Variants in ITGB3BP observed in about 807,000 individuals in gnomAD.
ITGB3BP encodes integrin subunit beta 3 binding protein, also known as centromere protein R.
A neutral mutation model predicts 29.1 loss-of-function variants in ITGB3BP; 27 were observed. That is an observed-to-expected ratio of 0.93 (90% CI 0.68 to 1.28). The LOEUF (loss-of-function observed/expected upper bound fraction) is 1.28. Ranked by LOEUF, ITGB3BP falls within the 50% of genes most tolerant of loss-of-function variation. The pLI is 0.00. For synonymous variants in ITGB3BP, 61 were observed against 61.4 expected, an observed-to-expected ratio of 0.99 and a Z score of 0.03; for missense variants, 192 against 200.2, an observed-to-expected ratio of 0.96 and a Z score of 0.25.
intron 2 of ITGB3BP, among the ~76,000 whole-genome samples, chr1:63,495,022 G>C (rs988522287): frequency 2.0e-5 from 3 of 152,098 alleles, no homozygotes; most frequent in African/African-American, 7.2e-5. Context: ...GCCCAAGCTT[G>C]TCCCAAATTG....
chr1:63,525,367 T>G (rs1248018154), upstream of ITGB3BP, among the ~76,000 whole-genome samples: 4 of 152,182 alleles, frequency 2.6e-5, 1 homozygote, highest in Non-Finnish European at 5.9e-5. Flanking sequence ...TCTTGTTTAA[T>G]ATATAATACG....
At chr1:63,488,078 G>A (rs540646753) in intron 3 of ITGB3BP, among the ~76,000 whole-genome samples, 1 of 152,138 alleles carries the variant, frequency 6.6e-6, no homozygotes, top group East Asian at 1.9e-4. Context: ...GTAGAAGGAA[G>A]ACATAGAACT....
chr1:63,447,873 T>A (rs1440214427), intron 7 of ITGB3BP: 7 of 282,562 alleles, frequency 2.5e-5, no homozygotes, highest in Non-Finnish European at 7.2e-6. Context: ...TAAAGACACA[T>A]GCACACGTAT....
chr1:63,464,337 C>G (rs1645066758), intron 4 of ITGB3BP, among the ~76,000 whole-genome samples: 1 of 152,138 alleles, frequency 6.6e-6, no homozygotes, highest in Non-Finnish European at 1.5e-5. Flanking sequence ...TTTAGCAGTG[C>G]TGTGAGCATG....
chr1:63,489,380 C>A (rs1645597055), intron 3 of ITGB3BP, among the ~76,000 whole-genome samples: 1 of 149,664 alleles, frequency 6.7e-6, no homozygotes, highest in African/African-American at 2.4e-5. Flanking sequence ...AATTATAAAA[C>A]TACATGTCAC....
At chr1:63,466,446 TA>T (rs1258635426) in intron 4 of ITGB3BP, among the ~76,000 whole-genome samples, 1 of 152,188 alleles carries the variant, frequency 6.6e-6, no homozygotes, top group African/African-American at 2.4e-5. Context: ...TTGCCAAACT[TA>T]AAAAACCCAG....
In ITGB3BP at chr1:63,523,206, C is replaced by T; in HGVS notation, c.-73G>A. 1 of 1,605,232 alleles carries T rather than the reference C, an allele frequency of 6.2e-7. No individual in the cohort carries two copies. The highest frequency in any genetic ancestry group is 8.5e-7 in the Non-Finnish European group (1 of 1,173,604). On this transcript the variant is annotated 5_prime_UTR_variant, in exon 1 of 9. It introduces an in-frame stop codon into an upstream open reading frame of the 5' UTR. Transcript: ENST00000271002. Reference sequence around the variant, plus strand: ...CAACTTCCGAAAACAGAAAATCCGCCAAAGGAAACGCCAAGGCATGAAAAG... The same window carrying T: ...CAACTTCCGAAAACAGAAAATCCGCTAAAGGAAACGCCAAGGCATGAAAAG...
chr1:63,510,988 A>G lies in ITGB3BP; in HGVS notation c.6-2418T>C, dbSNP rs142273718. ...GATATATGGGATATTTTCCTAAAAT[A>G]TTTACTCTTTTGTTACCAGTATTAG... On this transcript the variant is annotated intron_variant, in intron 1 of 8. Transcript: ENST00000271002. 1.8e-3 allele frequency among the ~76,000 whole-genome samples: 278 copies of G among 152,256 alleles called. 1 individual carries two copies. The highest frequency in any genetic ancestry group is 6.5e-3 in the African/African-American group (272 of 41,552).
chr1:63,525,505 G>T, upstream of ITGB3BP: 2 of 1,258,038 alleles, frequency 1.6e-6, no homozygotes, highest in South Asian at 2.0e-5. Flanking sequence ...GTATTTGAAA[G>T]ACATGGTGAC....
chr1:63,502,511 TTC>T (rs973625235), intron 2 of ITGB3BP, among the ~76,000 whole-genome samples: 4 of 32,952 alleles, frequency 1.2e-4, no homozygotes, highest in South Asian at 5.4e-3. Context: ...CAAAAGGCAC[TTC>T]TTTTTTTTTT....
In ITGB3BP at chr1:63,454,055, G is replaced by A; in HGVS notation, c.428-81C>T. The A allele has an allele frequency of 6.9e-6, 5 of 728,262 alleles. No individual in the cohort carries two copies. The South Asian group carries it at 7.3e-5, about 11-fold the overall frequency. 45.1% of individuals were successfully genotyped at this position (728,262 alleles called of 1,614,324 possible). A position where few individuals can be genotyped will look rare whatever the true frequency, so the allele number is the denominator to read the frequency against. On this transcript the variant is annotated intron_variant, in intron 6 of 8. Coordinates refer to ENST00000271002, the MANE Select transcript of ITGB3BP (RefSeq NM_014288.5). This position sits in a 1 kb window ranked among gnomAD's most constrained non-coding sequence, Gnocchi z 4.1. ...CAATACTTGCAACAAACAACTTCATGAGAAAAAAATAATTCAAAATAATAC... is the reference window on the plus strand; with the variant it reads ...CAATACTTGCAACAAACAACTTCATAAGAAAAAAATAATTCAAAATAATAC...
intron 2 of ITGB3BP, among the ~76,000 whole-genome samples, chr1:63,498,436 A>C: frequency 6.6e-6 from 1 of 152,324 alleles, no homozygotes; most frequent in Non-Finnish European, 1.5e-5. Context: ...AATATGTGTA[A>C]ATCAAACAAC....
At chr1:63,464,449 A>C (rs1291953899) in intron 4 of ITGB3BP, among the ~76,000 whole-genome samples, 1 of 152,184 alleles carries the variant, frequency 6.6e-6, no homozygotes, top group African/African-American at 2.4e-5. Context: ...TGGGATAGAA[A>C]TATGGAAAAG....
chr1:63,466,187 T>G (rs1487842896), intron 4 of ITGB3BP, among the ~76,000 whole-genome samples: 2 of 152,218 alleles, frequency 1.3e-5, no homozygotes, highest in Non-Finnish European at 2.9e-5. Context: ...TATGTGAACT[T>G]TGGTACTGTC....
chr1:63,454,256 G>A lies in ITGB3BP; in HGVS notation c.427+124C>T. The A allele has an allele frequency of 4.0e-6, 2 of 503,502 alleles. No homozygotes were observed. Among genetic ancestry groups the A allele is most frequent in the Admixed American group, 3.7e-5 (1 of 26,798 alleles). 31.2% of individuals were successfully genotyped at this position (503,502 alleles called of 1,614,324 possible). A position where few individuals can be genotyped will look rare whatever the true frequency, so the allele number is the denominator to read the frequency against. On this transcript the variant is annotated intron_variant, in intron 6 of 8. Coordinates refer to ENST00000271002, the MANE Select transcript of ITGB3BP (RefSeq NM_014288.5). The surrounding 1 kb of genome is among the most constrained non-coding windows in gnomAD (Gnocchi z 4.1). ...GACATGTGGCTTCTTATTTAAAGAA[G>A]GTAATAGTATTTTTATCACATGTCC...
chr1:63,472,844 G>A (rs1382587666), intron 4 of ITGB3BP, among the ~76,000 whole-genome samples: 2 of 151,948 alleles, frequency 1.3e-5, no homozygotes, highest in African/African-American at 2.4e-5. Context: ...CCTCCCAGCC[G>A]CCTGCCTTGG....
intron 7 of ITGB3BP, 95 bp from the exon 8 acceptor site, chr1:63,446,951 A>G: frequency 1.1e-6 from 1 of 874,942 alleles, no homozygotes; most frequent in Non-Finnish European, 1.8e-6. Context: ...GCAAAATGAA[A>G]TTAAAACAAC....
chr1:63,525,755 C>T (rs912214401), upstream of ITGB3BP: 10 of 1,557,834 alleles, frequency 6.4e-6, no homozygotes, highest in Admixed American at 1.6e-4. Context: ...ATCAACTTTA[C>T]TTAGGTAAAT....
chr1:63,512,430 C>A (rs1055622530), intron 1 of ITGB3BP, among the ~76,000 whole-genome samples: 1 of 151,894 alleles, frequency 6.6e-6, no homozygotes, highest in African/African-American at 2.4e-5. Flanking sequence ...TCATTTGATT[C>A]CTAATAAAAA....
Sources: gnomAD v4.1 joint callset for allele counts (sites outside exome capture counted in the v4.1 genomes callset) on GRCh38, gnomAD v4.1.1 for gene constraint, Gnocchi (gnomAD v3.1) non-coding constraint, MANE v1.5 for transcripts, NCBI Gene and HGNC (gene_info 2026-07-23, HGNC 2026-07-21) for gene names.